The following VWC2L variants were observed in gnomAD, a reference collection of about 807,000 sequenced individuals.
The protein encoded by VWC2L is von Willebrand factor C domain containing 2 like.
VWC2L carries 10 observed loss-of-function variants against 21.6 expected under a neutral mutation model. The ratio of observed to expected loss-of-function variants is 0.46; its 90% CI spans 0.29 to 0.78. VWC2L has a LOEUF of 0.78. Ranked by LOEUF, VWC2L falls within the 30% of genes least tolerant of loss-of-function variation. The probability of loss-of-function intolerance (pLI) is 0.10; values close to 1 mark genes in which losing one functional copy is unlikely to be tolerated. For synonymous variants in VWC2L, 96 were observed against 94.3 expected (o/e 1.02, Z -0.10); for missense variants, 209 against 277.1 (o/e 0.75, Z 1.74).
At chr2:214,429,143 C>G (rs967480786) in intron 2 of VWC2L, among the ~76,000 whole-genome samples, 2 of 152,192 alleles carry the variant, frequency 1.3e-5, no homozygotes, top group Non-Finnish European at 2.9e-5. Flanking sequence ...GATTCTTTGT[C>G]TGATATCAAC....
chr2:214,412,314 C>G (rs1702290242), intron 1 of VWC2L, among the ~76,000 whole-genome samples: 1 of 152,050 alleles, frequency 6.6e-6, no homozygotes, highest in African/African-American at 2.4e-5. Flanking sequence ...ACAGATATTG[C>G]TGGAATATTA....
intron 3 of VWC2L, among the ~76,000 whole-genome samples, chr2:214,483,414 GC>G (rs979962509): frequency 1.0e-3 from 150 of 147,592 alleles, no homozygotes; most frequent in African/African-American, 3.3e-3. Flanking sequence ...TCTGGCAAAA[GC>G]AAAAAAAAAA....
At chr2:214,553,710 C>G (rs540665350) in intron 3 of VWC2L, among the ~76,000 whole-genome samples, 10 of 152,068 alleles carry the variant, frequency 6.6e-5, no homozygotes, top group Non-Finnish European at 1.3e-4. Flanking sequence ...GCCTGGATTC[C>G]AAAAGGTAGG....
At chr2:214,534,867 A>C (rs1373690642) in intron 3 of VWC2L, among the ~76,000 whole-genome samples, 1 of 152,108 alleles carries the variant, frequency 6.6e-6, no homozygotes, top group Admixed American at 6.6e-5. Flanking sequence ...CTTTTTAAGC[A>C]GTGTTCTTGT....
Position 214,539,341 on chromosome 2 carries a change from C to T in VWC2L, c.521-36331C>T, listed in dbSNP as rs115121209. ...ACTTTGATAACACTTTTCACGATTT[C>T]ATTCCTTTTTCCAAAATTTGCCACA... On this transcript the variant is annotated intron_variant, in intron 3 of 3. Coordinates refer to ENST00000312504, the MANE Select transcript of VWC2L (RefSeq NM_001080500.4). 5.7e-3 allele frequency among the ~76,000 whole-genome samples: 866 copies of T among 152,302 alleles called. 10 individuals are homozygous for T. The highest frequency in any genetic ancestry group is 0.02 in the African/African-American group (837 of 41,580).
intron 3 of VWC2L, among the ~76,000 whole-genome samples, chr2:214,444,115 G>T (rs539938165): frequency 3.2e-4 from 48 of 152,090 alleles, no homozygotes; most frequent in African/African-American, 1.0e-3. Context: ...AAATATAATA[G>T]AAAGTTTAAC....
intron 3 of VWC2L, among the ~76,000 whole-genome samples, chr2:214,552,722 C>T (rs1446695563): frequency 6.6e-6 from 1 of 152,126 alleles, no homozygotes; most frequent in Non-Finnish European, 1.5e-5. Flanking sequence ...TATTCTCTCT[C>T]TTCATAGGAA....
chr2:214,462,780 C>G (rs1341698800), intron 3 of VWC2L, among the ~76,000 whole-genome samples: 1 of 152,082 alleles, frequency 6.6e-6, no homozygotes, highest in African/African-American at 2.4e-5. Flanking sequence ...GTAAGCTTTT[C>G]TATAAATTTT....
chr2:214,512,753 G>A (rs1307278973), intron 3 of VWC2L, among the ~76,000 whole-genome samples: 3 of 151,276 alleles, frequency 2.0e-5, no homozygotes, highest in African/African-American at 7.4e-5. Context: ...ATACAACAGT[G>A]GTAGACTACA....
intron 3 of VWC2L, among the ~76,000 whole-genome samples, chr2:214,495,228 A>AGT (rs1179055259): frequency 6.6e-6 from 1 of 152,186 alleles, no homozygotes; most frequent in East Asian, 1.9e-4. Context: ...GGCTGCTAAG[A>AGT]AAATCCCTAC....
intron 3 of VWC2L, among the ~76,000 whole-genome samples, chr2:214,478,475 AAAAAAACAAC>A (rs1341195195): frequency 6.6e-4 from 100 of 152,116 alleles, no homozygotes; most frequent in African/African-American, 2.4e-3. Context: ...TCTCAAAAAA[AAAAAAACAAC>A]AAAAAACAAC....
At chr2:214,431,279 G>A (rs1702598759) in intron 2 of VWC2L, among the ~76,000 whole-genome samples, 1 of 152,298 alleles carries the variant, frequency 6.6e-6, no homozygotes, top group Admixed American at 6.5e-5. Context: ...GTTCCTTAAA[G>A]TGATAAAATT....
intron 3 of VWC2L, among the ~76,000 whole-genome samples, chr2:214,443,391 C>CAA (rs1036011773): frequency 4.1e-5 from 6 of 145,968 alleles, no homozygotes; most frequent in African/African-American, 1.5e-4. Flanking sequence ...AACAAAAAAA[C>CAA]AAAAAAAAAA....
intron 3 of VWC2L, among the ~76,000 whole-genome samples, chr2:214,504,988 T>A (rs552655565): frequency 1.3e-5 from 2 of 152,278 alleles, no homozygotes; most frequent in South Asian, 4.1e-4. Context: ...CTTAAAGATA[T>A]CATAATTAGT....
intron 3 of VWC2L, among the ~76,000 whole-genome samples, chr2:214,463,864 C>T (rs1308559090): frequency 6.6e-6 from 1 of 151,792 alleles, no homozygotes; most frequent in Non-Finnish European, 1.5e-5. Context: ...CTTTTGTCTC[C>T]TGTATGTATT....
intron 3 of VWC2L, among the ~76,000 whole-genome samples, chr2:214,447,671 G>T (rs1047365589): frequency 3.3e-5 from 5 of 152,054 alleles, no homozygotes; most frequent in African/African-American, 1.2e-4. Flanking sequence ...AAAGAGTTCA[G>T]GCAAGATGAG....
intron 3 of VWC2L, among the ~76,000 whole-genome samples, chr2:214,522,374 C>A (rs1261476594): frequency 4.5e-3 from 464 of 102,660 alleles, no homozygotes; most frequent in African/African-American, 8.0e-3. Context: ...GACCCCGTCT[C>A]AAAAAAAAAA....
At chr2:214,565,118 T>C (rs1690042355) in intron 3 of VWC2L, among the ~76,000 whole-genome samples, 1 of 152,188 alleles carries the variant, frequency 6.6e-6, no homozygotes, top group East Asian at 1.9e-4. Context: ...CTTCATTCTT[T>C]CTAGTGACTG....
intron 3 of VWC2L, among the ~76,000 whole-genome samples, chr2:214,438,722 A>G (rs1363305620): frequency 6.6e-6 from 1 of 152,062 alleles, no homozygotes; most frequent in Non-Finnish European, 1.5e-5. Flanking sequence ...GTCGCCCAAG[A>G]TTATCCTATT....
Sources: allele counts gnomAD v4.1 joint callset (sites outside exome capture counted in the v4.1 genomes callset), GRCh38; gene constraint gnomAD v4.1.1; transcripts MANE v1.5; gene names NCBI Gene and HGNC (gene_info 2026-07-23, HGNC 2026-07-21).